The following WNT7A variants were observed in gnomAD, a reference collection of about 807,000 sequenced individuals.
The protein encoded by WNT7A is Wnt family member 7A.
In WNT7A, 16 loss-of-function variants were observed where a neutral mutation model predicts 28.2. That is an observed-to-expected ratio of 0.57 (90% CI 0.38 to 0.86). The LOEUF is 0.86. WNT7A is among the 40% of genes least tolerant of loss of function. The pLI, the probability that WNT7A is intolerant of heterozygous loss-of-function variation, is 0.00. For synonymous variants in WNT7A, 190 were observed against 195.9 expected, an observed-to-expected ratio of 0.97 and a Z score of 0.25; for missense variants, 411 against 489.7, an observed-to-expected ratio of 0.84 and a Z score of 1.52.
chr3:13,837,351 A>C (rs1694386984), intron 3 of WNT7A, among the ~76,000 whole-genome samples: 2 of 147,042 alleles, frequency 1.4e-5, no homozygotes, highest in African/African-American at 2.5e-5. Flanking sequence ...GCCCCGCATC[A>C]GCCCCTCTCA....
chr3:13,872,042 C>T (rs1183508359), intron 2 of WNT7A, among the ~76,000 whole-genome samples: 3 of 152,114 alleles, frequency 2.0e-5, no homozygotes, highest in Admixed American at 6.5e-5. Flanking sequence ...TCCCTTTGCC[C>T]GACATGCTCT....
At chr3:13,852,412 G>A (rs1409013213) in intron 3 of WNT7A, among the ~76,000 whole-genome samples, 1 of 152,242 alleles carries the variant, frequency 6.6e-6, no homozygotes, top group Non-Finnish European at 1.5e-5. Context: ...CATGCGTGGA[G>A]CCCATGGCAG....
chr3:13,860,278 A>C (rs1241246149), intron 2 of WNT7A, among the ~76,000 whole-genome samples: 1 of 152,158 alleles, frequency 6.6e-6, no homozygotes, highest in Non-Finnish European at 1.5e-5. Context: ...ACTGGAATTC[A>C]AGGCCCAAGT....
intron 3 of WNT7A, among the ~76,000 whole-genome samples, chr3:13,826,196 C>A (rs1023089474): frequency 2.0e-5 from 3 of 152,178 alleles, no homozygotes; most frequent in African/African-American, 7.2e-5. Context: ...AGCTTCCGGT[C>A]CCCACCTTCC....
chr3:13,874,284 C>G (rs1386006329), intron 2 of WNT7A, among the ~76,000 whole-genome samples: 1 of 152,230 alleles, frequency 6.6e-6, no homozygotes, highest in Non-Finnish European at 1.5e-5. Context: ...TCCTGGAGAC[C>G]AGCATTGCTC....
intron 3 of WNT7A, among the ~76,000 whole-genome samples, chr3:13,830,381 C>T (rs1249674078): frequency 3.3e-5 from 5 of 152,272 alleles, no homozygotes; most frequent in South Asian, 2.1e-4. Flanking sequence ...CACCAAGTTC[C>T]GCTGGCTTCC....
chr3:13,849,876 G>T (rs908298521), intron 3 of WNT7A, among the ~76,000 whole-genome samples: 1 of 152,230 alleles, frequency 6.6e-6, no homozygotes, highest in Non-Finnish European at 1.5e-5. Context: ...TTGACTGCAG[G>T]AGTGTGTGGT....
At chr3:13,842,372 C>A (rs188044518) in intron 3 of WNT7A, among the ~76,000 whole-genome samples, 1 of 150,578 alleles carries the variant, frequency 6.6e-6, no homozygotes, top group Non-Finnish European at 1.5e-5. Context: ...TGGGTAGAAA[C>A]CTGGGGTAAG....
At chr3:13,878,516 C>T (rs1447004246) in intron 1 of WNT7A, among the ~76,000 whole-genome samples, 1 of 152,204 alleles carries the variant, frequency 6.6e-6, no homozygotes, top group Non-Finnish European at 1.5e-5. Flanking sequence ...AGCCGCCTCT[C>T]CGCCGCTGGT....
intron 3 of WNT7A, among the ~76,000 whole-genome samples, chr3:13,852,638 A>G (rs1328732632): frequency 3.3e-5 from 5 of 152,138 alleles, no homozygotes; most frequent in Non-Finnish European, 7.4e-5. Context: ...GGGGTGTCCC[A>G]TGGCAGCAAG....
intron 3 of WNT7A, among the ~76,000 whole-genome samples, chr3:13,848,087 G>T (rs182043956): frequency 1.3e-5 from 2 of 151,940 alleles, no homozygotes; most frequent in East Asian, 3.9e-4. Context: ...AGGTCACAGA[G>T]TTAAATGCTA....
At chr3:13,841,825 G>A (rs536730687) in intron 3 of WNT7A, among the ~76,000 whole-genome samples, 11 of 152,176 alleles carry the variant, frequency 7.2e-5, no homozygotes, top group African/African-American at 1.7e-4. Flanking sequence ...AAAACAAAAC[G>A]TGGAAGGGAA....
rs550332692 is a variant in WNT7A, at chr3:13,865,771, T to C, written c.298+9176A>G. Among the ~76,000 whole-genome samples the C allele has an allele frequency of 2.0e-5, 3 of 152,306 alleles. No individual in the cohort carries two copies. In the East Asian group the frequency reaches 5.8e-4, roughly 29 times the overall value. On this transcript the variant is annotated intron_variant, in intron 2 of 3. Coordinates refer to ENST00000285018, the MANE Select transcript of WNT7A (RefSeq NM_004625.4). ...GCCATACACTTCTTCACGTGTTCCA[T>C]GAGGACCTACTGTGTGCCAGGCCCC...
intron 3 of WNT7A, among the ~76,000 whole-genome samples, chr3:13,826,932 C>T (rs1446834259): frequency 6.6e-6 from 1 of 152,196 alleles, no homozygotes; most frequent in Non-Finnish European, 1.5e-5. Flanking sequence ...GTTTTCAGAA[C>T]TGGACTATGC....
intron 2 of WNT7A, among the ~76,000 whole-genome samples, chr3:13,856,942 A>AAGAAGAAGGAGAAGG (rs1694749312): frequency 1.8e-5 from 2 of 112,704 alleles, no homozygotes; most frequent in African/African-American, 9.0e-5. Flanking sequence ...GAAGAAGAAG[A>AAGAAGAAGGAGAAGG]AGAAGAAGAA....
At chr3:13,850,606 T>G (rs1321453083) in intron 3 of WNT7A, among the ~76,000 whole-genome samples, 1 of 152,054 alleles carries the variant, frequency 6.6e-6, no homozygotes, top group Non-Finnish European at 1.5e-5. Flanking sequence ...CCGTCCCAGC[T>G]GGGCCCCCAT....
chr3:13,869,477 GGA>G (rs1477321136), intron 2 of WNT7A, among the ~76,000 whole-genome samples: 38 of 146,826 alleles, frequency 2.6e-4, no homozygotes, highest in Admixed American at 2.1e-3. Context: ...AAGAAAGGGA[GGA>G]GAGAGGGGAG....
chr3:13,840,965 A>G (rs928451225), intron 3 of WNT7A, among the ~76,000 whole-genome samples: 1 of 152,228 alleles, frequency 6.6e-6, no homozygotes, highest in African/African-American at 2.4e-5. Flanking sequence ...TGTCATATTT[A>G]CATGCAGTAA....
intron 3 of WNT7A, among the ~76,000 whole-genome samples, chr3:13,851,496 C>A (rs1464946512): frequency 6.6e-6 from 1 of 152,208 alleles, no homozygotes; most frequent in Non-Finnish European, 1.5e-5. Flanking sequence ...CCTTCTTCTG[C>A]CTAGCACTCT....
Sources: gnomAD v4.1 joint callset for allele counts (sites outside exome capture counted in the v4.1 genomes callset) on GRCh38, gnomAD v4.1.1 for gene constraint, MANE v1.5 for transcripts, NCBI Gene and HGNC (gene_info 2026-07-23, HGNC 2026-07-21) for gene names.